Variants in TTC7B observed in about 807,000 individuals in gnomAD.
The protein encoded by TTC7B is tetratricopeptide repeat protein 7B.
A neutral mutation model predicts 106.8 loss-of-function variants in TTC7B; 28 were observed. The observed-to-expected ratio is 0.26, with a 90% CI of 0.19 to 0.36. The LOEUF is 0.36. Among genes scored for constraint, TTC7B ranks in the 10% least tolerant of loss-of-function variants. TTC7B has a pLI of 1.00. For synonymous variants in TTC7B, 405 were observed against 430.6 expected (o/e 0.94, Z 0.74); for missense variants, 862 against 1,076.4 (o/e 0.80, Z 2.79).
intron 4 of TTC7B, among the ~76,000 whole-genome samples, chr14:90,732,384 C>T (rs1379445927): frequency 6.6e-6 from 1 of 152,148 alleles, no homozygotes; most frequent in Non-Finnish European, 1.5e-5. Context: ...CTATTTCCCT[C>T]ACTCTCTATA....
At chr14:90,803,568 G>T (rs1026411027) in intron 1 of TTC7B, among the ~76,000 whole-genome samples, 3 of 152,170 alleles carry the variant, frequency 2.0e-5, no homozygotes, top group African/African-American at 7.2e-5. Context: ...AGAGGGCCTG[G>T]CTAGTTGGAA....
intron 17 of TTC7B, among the ~76,000 whole-genome samples, chr14:90,606,939 G>A (rs1892663867): frequency 6.6e-6 from 1 of 152,074 alleles, no homozygotes; most frequent in Non-Finnish European, 1.5e-5. Flanking sequence ...TATAATAATA[G>A]TATTGTAGTT....
rs1003006455 is a variant in TTC7B at position 90,786,457 on chromosome 14, C to G, written c.122-129G>C. ...CCCCAGCAAGGTCCTTCTGGAACTT[C>G]ATAGCCTTCATAGGGTCTAAGTGGG... On this transcript the variant is annotated intron_variant, in intron 1 of 19. Coordinates refer to ENST00000328459, the MANE Select transcript of TTC7B (RefSeq NM_001010854.2). The G allele has an allele frequency of 2.1e-5, 21 of 977,544 alleles. No homozygotes were observed. The African/African-American group carries it at 3.3e-4, about 15-fold the overall frequency. The allele number at this position is 977,544 out of a possible 1,614,324, so 60.6% of individuals were successfully genotyped here.
intron 3 of TTC7B, 51 bp from the exon 4 acceptor site, chr14:90,744,973 T>C (rs1022292084): frequency 6.3e-7 from 1 of 1,596,076 alleles, no homozygotes; most frequent in African/African-American, 1.3e-5. Context: ...TTCATAAGGC[T>C]TCATTTTTAA....
intron 9 of TTC7B, among the ~76,000 whole-genome samples, chr14:90,667,058 C>T (rs1000386644): frequency 6.6e-6 from 1 of 152,242 alleles, no homozygotes; most frequent in African/African-American, 2.4e-5. Flanking sequence ...AATTGCCTCT[C>T]ACCTTTTGGT....
At chr14:90,559,459 T>C (rs1456825539) in intron 19 of TTC7B, among the ~76,000 whole-genome samples, 2 of 152,158 alleles carry the variant, frequency 1.3e-5, no homozygotes, top group Admixed American at 1.3e-4. Context: ...TCTCAGGAGC[T>C]GAGGAGATCA....
At chr14:90,634,316 T>C (rs1884834633) in intron 15 of TTC7B, among the ~76,000 whole-genome samples, 1 of 152,016 alleles carries the variant, frequency 6.6e-6, no homozygotes, top group Non-Finnish European at 1.5e-5. Flanking sequence ...AGAAGGCAGA[T>C]TAAGAGGAGC....
chr14:90,740,297 C>T (rs1439094918), intron 4 of TTC7B, among the ~76,000 whole-genome samples: 2 of 152,088 alleles, frequency 1.3e-5, no homozygotes, highest in Non-Finnish European at 2.9e-5. Flanking sequence ...CCCAGAAAAC[C>T]AGGCAAGTCA....
intron 19 of TTC7B, among the ~76,000 whole-genome samples, chr14:90,561,575 G>A (rs1434087385): frequency 1.3e-5 from 2 of 152,164 alleles, no homozygotes; most frequent in African/African-American, 2.4e-5. Flanking sequence ...CCCACAGCCC[G>A]GTGGGATGAA....
chr14:90,800,059 C>T lies in TTC7B; in HGVS notation c.122-13731G>A, dbSNP rs546593666. On this transcript the variant is annotated intron_variant, in intron 1 of 19. Transcript: ENST00000328459. ...GTGTTAGCCAGGATGGTCTCGATCT[C>T]CTGACCTCGTGATCCACCCGCCTTG... Among the ~76,000 whole-genome samples, 555 of 152,200 alleles carry T rather than the reference C, an allele frequency of 3.6e-3. 2 individuals carry two copies. The highest frequency in any genetic ancestry group is 6.1e-3 in the Non-Finnish European group (415 of 67,990).
At chr14:90,694,345 G>A (rs1409279839) in intron 6 of TTC7B, among the ~76,000 whole-genome samples, 1 of 152,150 alleles carries the variant, frequency 6.6e-6, no homozygotes, top group Non-Finnish European at 1.5e-5. Context: ...CAGGGACTAG[G>A]GGGAGGGGAA....
intron 1 of TTC7B, among the ~76,000 whole-genome samples, chr14:90,814,707 G>A (rs1254772836): frequency 2.0e-5 from 3 of 152,194 alleles, no homozygotes; most frequent in Non-Finnish European, 2.9e-5. Flanking sequence ...GAGGAAAAGA[G>A]AAAATGCTGC....
chr14:90,551,272 C>T (rs1890070202), intron 19 of TTC7B, among the ~76,000 whole-genome samples: 1 of 152,170 alleles, frequency 6.6e-6, no homozygotes, highest in African/African-American at 2.4e-5. Context: ...CAGGGCCAGC[C>T]TCCAAGTTTT....
In TTC7B at chr14:90,775,545, G is replaced by A. The variant is rs114221315; in HGVS notation, c.445+5193C>T. Among the ~76,000 whole-genome samples, 1,407 of 152,238 alleles carry A rather than the reference G, an allele frequency of 9.2e-3. 16 individuals are homozygous for A. Among genetic ancestry groups the A allele is most frequent in the African/African-American group, 0.032 (1,322 of 41,536 alleles). ...AGGGAGGAATGGAGAAGGTAAAGGAGCTCTGTAAACCGCCCGACATGGTGC... is the reference window on the plus strand; with the variant it reads ...AGGGAGGAATGGAGAAGGTAAAGGAACTCTGTAAACCGCCCGACATGGTGC... On this transcript the variant is annotated intron_variant, in intron 3 of 19. Coordinates refer to ENST00000328459, the MANE Select transcript of TTC7B (RefSeq NM_001010854.2).
intron 17 of TTC7B, chr14:90,602,039 A>T (rs1238211803): frequency 2.2e-6 from 1 of 444,636 alleles, no homozygotes; most frequent in Non-Finnish European, 4.5e-6. Flanking sequence ...TTAGGCCAGA[A>T]ATAAAGGCAC....
intron 1 of TTC7B, among the ~76,000 whole-genome samples, chr14:90,814,680 G>A (rs1188906265): frequency 6.6e-6 from 1 of 152,192 alleles, no homozygotes; most frequent in Non-Finnish European, 1.5e-5. Context: ...AGTAGACCCA[G>A]GACTGTGCAA....
At chr14:90,745,103 G>T (rs1165817413) in intron 3 of TTC7B, among the ~76,000 whole-genome samples, 181 bp from the exon 4 acceptor site, 4 of 151,928 alleles carry the variant, frequency 2.6e-5, no homozygotes, top group Non-Finnish European at 5.9e-5. Context: ...TTATTGCACT[G>T]GCAGGAATCT....
intron 4 of TTC7B, among the ~76,000 whole-genome samples, chr14:90,741,671 AAAAAAAG>A (rs1260552807): frequency 2.0e-5 from 3 of 152,192 alleles, no homozygotes; most frequent in African/African-American, 4.8e-5. Flanking sequence ...TTCAACATTT[AAAAAAAG>A]AAAAAGGCCA....
chr14:90,794,685 T>C (rs1891714212), intron 1 of TTC7B, among the ~76,000 whole-genome samples: 1 of 152,152 alleles, frequency 6.6e-6, no homozygotes, highest in South Asian at 2.1e-4. Flanking sequence ...CATTTGAAAT[T>C]GAGCATGGTG....
Sources: gnomAD v4.1 joint callset for allele counts (sites outside exome capture counted in the v4.1 genomes callset) on GRCh38, gnomAD v4.1.1 for gene constraint, MANE v1.5 for transcripts, NCBI Gene and HGNC (gene_info 2026-07-23, HGNC 2026-07-21) for gene names.